ZMAT4: variants seen among roughly 807,000 people sequenced by gnomAD.
ZMAT4 encodes the protein zinc finger matrin-type protein 4.
ZMAT4 carries 17 observed loss-of-function variants against 28.7 expected under a neutral mutation model. That is an observed-to-expected ratio of 0.59 (90% CI 0.41 to 0.89). The LOEUF (loss-of-function observed/expected upper bound fraction) is 0.89. Ranked by LOEUF, ZMAT4 falls within the 40% of genes least tolerant of loss-of-function variation. The pLI, the probability that ZMAT4 is intolerant of heterozygous loss-of-function variation, is 0.00. For synonymous variants in ZMAT4, 117 were observed against 109.2 expected, an observed-to-expected ratio of 1.07 and a Z score of -0.44; for missense variants, 240 against 283.8, an observed-to-expected ratio of 0.85 and a Z score of 1.11.
At chr8:40,599,007 A>T (rs994997037) in intron 5 of ZMAT4, among the ~76,000 whole-genome samples, 1 of 152,204 alleles carries the variant, frequency 6.6e-6, no homozygotes, top group Non-Finnish European at 1.5e-5. Context: ...TAAGTTTTAA[A>T]TATAAGATTT....
intron 5 of ZMAT4, among the ~76,000 whole-genome samples, chr8:40,625,155 A>G (rs2122948): frequency 0.74 from 112,848 of 152,010 alleles, 42,420 homozygotes; most frequent in East Asian, 0.97. Context: ...CAAGGCTCTG[A>G]AAGAGAACAG....
chr8:40,627,961 T>G (rs1372295384), intron 5 of ZMAT4, among the ~76,000 whole-genome samples: 5 of 152,186 alleles, frequency 3.3e-5, no homozygotes. Flanking sequence ...TGCAAGGGAA[T>G]GTGGTGGAGT....
At chr8:40,885,440 G>A (rs376295005) in intron 1 of ZMAT4, among the ~76,000 whole-genome samples, 18 of 152,242 alleles carry the variant, frequency 1.2e-4, no homozygotes, top group South Asian at 6.2e-4. Flanking sequence ...CTCCGAGGGC[G>A]CCTCTGCCTC....
At chr8:40,882,241 G>A (rs1478937106) in intron 1 of ZMAT4, among the ~76,000 whole-genome samples, 1 of 152,148 alleles carries the variant, frequency 6.6e-6, no homozygotes, top group South Asian at 2.1e-4. Context: ...ATTAGTATGA[G>A]AAATCTATGT....
intron 5 of ZMAT4, among the ~76,000 whole-genome samples, chr8:40,625,486 T>A (rs67596062): frequency 0.21 from 32,061 of 151,760 alleles, 3,512 homozygotes; most frequent in Middle Eastern, 0.28. Flanking sequence ...ATAGAAGTGG[T>A]GAAAAATGGC....
At chr8:40,591,742 G>A (rs535583708) in intron 5 of ZMAT4, among the ~76,000 whole-genome samples, 2 of 152,244 alleles carry the variant, frequency 1.3e-5, no homozygotes, top group South Asian at 4.2e-4. Context: ...TATGGAATTT[G>A]GTGGTATCAA....
intron 1 of ZMAT4, among the ~76,000 whole-genome samples, chr8:40,846,686 G>A (rs866715372): frequency 6.6e-6 from 1 of 152,328 alleles, no homozygotes; most frequent in Middle Eastern, 3.4e-3. Context: ...TGCAGGAGCA[G>A]GGCTGGGCAT....
intron 1 of ZMAT4, among the ~76,000 whole-genome samples, chr8:40,830,097 C>T (rs1470775562): frequency 6.6e-6 from 1 of 152,136 alleles, no homozygotes; most frequent in Non-Finnish European, 1.5e-5. Flanking sequence ...CTTTCTGCTT[C>T]TTTCTGCTTC....
chr8:40,804,310 T>C (rs550966039), intron 2 of ZMAT4, among the ~76,000 whole-genome samples: 3 of 152,240 alleles, frequency 2.0e-5, no homozygotes, highest in Non-Finnish European at 2.9e-5. Context: ...ATGTTGATAA[T>C]AGGGGAGGCT....
chr8:40,637,849 A>G (rs72639656), intron 5 of ZMAT4, among the ~76,000 whole-genome samples: 9,493 of 152,296 alleles, frequency 0.062, 423 homozygotes, highest in Non-Finnish European at 0.099. Flanking sequence ...TTTTATGCCA[A>G]CCTACAAAAT....
At chr8:40,684,907 A>G (rs1416507001) in intron 4 of ZMAT4, among the ~76,000 whole-genome samples, 1 of 152,090 alleles carries the variant, frequency 6.6e-6, no homozygotes, top group East Asian at 1.9e-4. Context: ...CCCCTGAAAA[A>G]AGGGACCTCA....
chr8:40,643,200 G>A (rs1807129283), intron 5 of ZMAT4, among the ~76,000 whole-genome samples: 3 of 152,048 alleles, frequency 2.0e-5, no homozygotes, highest in African/African-American at 4.8e-5. Context: ...CCAAGCAGTC[G>A]AGAAGCTTTC....
chr8:40,665,473 CCT>C (rs1345855060), intron 5 of ZMAT4, among the ~76,000 whole-genome samples: 3 of 152,134 alleles, frequency 2.0e-5, no homozygotes, highest in African/African-American at 4.8e-5. Context: ...TAGAACTTTG[CCT>C]CTCTCACCCA....
chr8:40,731,565 GAGA>G (rs1170652202), intron 3 of ZMAT4, among the ~76,000 whole-genome samples: 1 of 152,130 alleles, frequency 6.6e-6, no homozygotes, highest in East Asian at 1.9e-4. Flanking sequence ...CAAAGAAACA[GAGA>G]AGTACATTCC....
chr8:40,804,400 A>C (rs2150590037), intron 2 of ZMAT4, among the ~76,000 whole-genome samples: 1 of 152,280 alleles, frequency 6.6e-6, no homozygotes. Flanking sequence ...ACTGTCCTAA[A>C]AAAAAGGAAG....
At chr8:40,697,535 C>T (rs1809946818) in intron 3 of ZMAT4, 134 bp from the exon 4 acceptor site, 1 of 818,154 alleles carries the variant, frequency 1.2e-6, no homozygotes, top group South Asian at 3.6e-5. Flanking sequence ...CTCTTTTTGC[C>T]TTGCTTTCTA....
At chr8:40,751,449 A>C (rs4292671) in intron 3 of ZMAT4, among the ~76,000 whole-genome samples, 60,856 of 151,700 alleles carry the variant, frequency 0.4, 12,801 homozygotes, top group Middle Eastern at 0.5. Flanking sequence ...ACTCACTCTC[A>C]TGAGGACTGC....
intron 6 of ZMAT4, among the ~76,000 whole-genome samples, chr8:40,553,893 T>A (rs192908831): frequency 6.6e-6 from 1 of 152,190 alleles, no homozygotes; most frequent in African/African-American, 2.4e-5. Context: ...GTACTTTATA[T>A]TTATTTCATT....
intron 5 of ZMAT4, among the ~76,000 whole-genome samples, chr8:40,612,490 A>C (rs2118660363): frequency 7.3e-6 from 1 of 137,748 alleles, no homozygotes; most frequent in South Asian, 2.3e-4. Flanking sequence ...GTATTCCTCA[A>C]GTTCCTGTGC....
Sources: allele counts gnomAD v4.1 joint callset (sites outside exome capture counted in the v4.1 genomes callset), GRCh38; gene constraint gnomAD v4.1.1; transcripts MANE v1.5; gene names NCBI Gene and HGNC (gene_info 2026-07-23, HGNC 2026-07-21).